ZNF589: variants seen among roughly 807,000 people sequenced by gnomAD.
ZNF589 encodes the protein zinc finger protein 589, also known as KRAB-zinc finger protein SZF1-1.
Under a neutral mutation model 13.6 loss-of-function variants are expected in ZNF589, and 17 were observed. That is an observed-to-expected ratio of 1.25 (90% confidence interval 0.86 to 1.88). The LOEUF is 1.88. Among genes scored for constraint, ZNF589 ranks in the 40% most tolerant of loss-of-function variants. ZNF589 has a pLI of 0.00. For synonymous variants in ZNF589, 148 were observed against 161.6 expected (o/e 0.92, Z 0.64); for missense variants, 407 against 434.0 (o/e 0.94, Z 0.55).
rs548192261 is a variant in ZNF589 at position 48,267,189 on chromosome 3, A to G, written c.224-726A>G. On this transcript the variant is annotated intron_variant, in intron 3 of 3. Coordinates refer to ENST00000354698, the MANE Select transcript of ZNF589 (RefSeq NM_016089.3). ...AAAGAAGGCTGGCTCTTGGTCCTCCAATCCAAGACCTGCTCTTCCCTGTTT... is the reference window on the plus strand; with the variant it reads ...AAAGAAGGCTGGCTCTTGGTCCTCCGATCCAAGACCTGCTCTTCCCTGTTT... Among the ~76,000 whole-genome samples the G allele has an allele frequency of 2.6e-5, 4 of 152,342 alleles. No individual in the cohort carries two copies. In the East Asian group the frequency reaches 7.7e-4, roughly 29 times the overall value.
At chr3:48,246,523 T>G (rs2033767090) in intron 1 of ZNF589, among the ~76,000 whole-genome samples, 1 of 152,198 alleles carries the variant, frequency 6.6e-6, no homozygotes, top group Non-Finnish European at 1.5e-5. Context: ...TCACCCAGGC[T>G]GGTCTTGAAG....
rs897231006 is a variant in ZNF589 at position 48,270,378 on chromosome 3, C to A, written c.*1592C>A. 1.3e-5 allele frequency: 5 copies of A among 376,516 alleles called. No homozygotes were observed. In the East Asian group the frequency reaches 3.6e-4, roughly 27 times the overall value. 23.3% of individuals were successfully genotyped at this position (376,516 alleles called of 1,614,324 possible). On this transcript the variant is annotated 3_prime_UTR_variant, in exon 4 of 4. Transcript: ENST00000354698. ...CTAGCAATGCTGCATCATCAGCCTT[C>A]CAATACCAGGTTTAAGGGTATTTTA...
chr3:48,270,394 G>A lies in ZNF589; in HGVS notation c.*1608G>A, dbSNP rs546912230. ...ATCAGCCTTCCAATACCAGGTTTAA[G>A]GGTATTTTAAACACAGCTCCTCTTA... is the stretch of plus-strand genomic sequence containing the variant. On this transcript the variant is annotated 3_prime_UTR_variant, in exon 4 of 4. Coordinates refer to ENST00000354698, the MANE Select transcript of ZNF589 (RefSeq NM_016089.3). 1.4e-5 allele frequency: 5 copies of A among 367,382 alleles called. No homozygotes were observed. Among genetic ancestry groups the A allele is most frequent in the Non-Finnish European group, 2.1e-5 (4 of 187,738 alleles). 22.8% of individuals were successfully genotyped at this position (367,382 alleles called of 1,614,324 possible). A position where few individuals can be genotyped will look rare whatever the true frequency, so the allele number is the denominator to read the frequency against.
chr3:48,270,413 C>T lies in ZNF589; in HGVS notation c.*1627C>T, dbSNP rs1211637132. ...GTTTAAGGGTATTTTAAACACAGCTCCTCTTAAATCCTCCAATCTCAGTAC... is the reference window on the plus strand; with the variant it reads ...GTTTAAGGGTATTTTAAACACAGCTTCTCTTAAATCCTCCAATCTCAGTAC... On this transcript the variant is annotated 3_prime_UTR_variant, in exon 4 of 4. Transcript: ENST00000354698. 5 of 360,972 alleles carry T rather than the reference C, an allele frequency of 1.4e-5. No homozygotes were observed. The highest frequency in any genetic ancestry group is 2.2e-5 in the Non-Finnish European group (4 of 184,478). The allele number at this position is 360,972 out of a possible 1,614,324, so 22.4% of individuals were successfully genotyped here.
Position 48,268,880 on chromosome 3 carries a change from T to A in ZNF589, c.*94T>A. 1 of 1,508,778 alleles carries A rather than the reference T, an allele frequency of 6.6e-7. No individual in the cohort carries two copies. The highest frequency in any genetic ancestry group is 8.9e-7 in the Non-Finnish European group (1 of 1,119,164). 93.5% of individuals were successfully genotyped at this position (1,508,778 alleles called of 1,614,324 possible). On this transcript the variant is annotated 3_prime_UTR_variant, in exon 4 of 4. Coordinates refer to ENST00000354698, the MANE Select transcript of ZNF589 (RefSeq NM_016089.3). ...TGTTTGCAGAGAGTGTGGGCGAGGCTTTCGTGCTAAATCAACTCTCCTCCT... is the reference window on the plus strand; with the variant it reads ...TGTTTGCAGAGAGTGTGGGCGAGGCATTCGTGCTAAATCAACTCTCCTCCT...
intron 3 of ZNF589, among the ~76,000 whole-genome samples, chr3:48,266,125 G>A (rs2034016556): frequency 6.6e-6 from 1 of 152,122 alleles, no homozygotes; most frequent in South Asian, 2.1e-4. Context: ...CTTTTTAAAG[G>A]TCTATGTTCT....
At chr3:48,241,252 G>A in intron 1 of ZNF589, 38 bp downstream of exon 1, 1 of 1,604,274 alleles carries the variant, frequency 6.2e-7, no homozygotes, top group Non-Finnish European at 8.5e-7. Flanking sequence ...CCCATTCGGT[G>A]CTCCAGCCGC....
intron 3 of ZNF589, 29 bp from the exon 4 acceptor site, chr3:48,267,884 ACT>A: frequency 6.4e-7 from 1 of 1,572,094 alleles, no homozygotes; most frequent in Non-Finnish European, 8.6e-7. Flanking sequence ...CCTTCCTATG[ACT>A]CTTCTGACTG....
chr3:48,246,621 T>TA lies in ZNF589; in HGVS notation c.44-998dup, dbSNP rs2033768917. Reference sequence around the variant, plus strand: ...CACTGAAACCGGCCTGACACATTTTTAAAAAATATTTTCATTAAATCACAG... The same window carrying TA: ...CACTGAAACCGGCCTGACACATTTTTAAAAAAATATTTTCATTAAATCACAG... On this transcript the variant is annotated intron_variant, in intron 1 of 3. Coordinates refer to ENST00000354698, the MANE Select transcript of ZNF589 (RefSeq NM_016089.3). 2.0e-5 allele frequency among the ~76,000 whole-genome samples: 3 copies of TA among 152,250 alleles called. No homozygotes were observed. The South Asian group carries it at 6.2e-4, about 32-fold the overall frequency.
At chr3:48,253,658 C>T (rs1365116249) in intron 2 of ZNF589, among the ~76,000 whole-genome samples, 1 of 152,050 alleles carries the variant, frequency 6.6e-6, no homozygotes, top group Non-Finnish European at 1.5e-5. Flanking sequence ...TGCCACCACG[C>T]TAGGCTAATT....
At chr3:48,261,344 G>T (rs980601708) in intron 3 of ZNF589, among the ~76,000 whole-genome samples, 21 of 152,152 alleles carry the variant, frequency 1.4e-4, no homozygotes, top group Non-Finnish European at 2.9e-4. Flanking sequence ...TGTGGGTCAG[G>T]TGGGAAACTG....
At position 48,268,671 on chromosome 3, in the gene ZNF589, C is replaced by T; in HGVS notation, c.980C>T (p.Thr327Ile). ...PYLIRHQRTH[T>I]REKSFMCTVC... ...CTCATCAGACATCAGAGGACACACA[C>T]AAGGGAGAAATCGTTTATGTGCACA... Residue 327 changes from threonine (T) to isoleucine (I), a missense_variant, in exon 4 of 4, where the codon ACA becomes ATA. Thr to Ile is a moderately conservative substitution (Grantham distance 89, BLOSUM62 -1). Coordinates refer to ENST00000354698, the MANE Select transcript of ZNF589 (RefSeq NM_016089.3). The T allele has an allele frequency of 6.2e-7, 1 of 1,613,620 alleles. No homozygotes were observed. Among genetic ancestry groups the T allele is most frequent in the Middle Eastern group, 1.7e-4 (1 of 6,058 alleles).
chr3:48,267,684 T>C (rs2034034768), intron 3 of ZNF589, among the ~76,000 whole-genome samples: 1 of 152,250 alleles, frequency 6.6e-6, no homozygotes, highest in South Asian at 2.1e-4. Flanking sequence ...CGTGAGCCAC[T>C]GTGCCCAGCC....
At chr3:48,258,352 A>G (rs532267098) in intron 2 of ZNF589, among the ~76,000 whole-genome samples, 5 of 152,172 alleles carry the variant, frequency 3.3e-5, no homozygotes, top group African/African-American at 1.2e-4. Context: ...AATACGATGG[A>G]TTTTTATGTG....
At chr3:48,252,170 G>A (rs1335852988) in intron 2 of ZNF589, among the ~76,000 whole-genome samples, 1 of 151,794 alleles carries the variant, frequency 6.6e-6, no homozygotes, top group African/African-American at 2.4e-5. Context: ...ATCAGGTAGT[G>A]TAAGTCCTTA....
rs768238552 is a variant in ZNF589 at position 48,268,118 on chromosome 3, G to T, written c.427G>T (p.Glu143Ter). 30 of 1,614,084 alleles carry T rather than the reference G, an allele frequency of 1.9e-5. No individual in the cohort carries two copies. The South Asian group carries it at 3.0e-4, about 16-fold the overall frequency. The change falls in exon 4 of 4, where the codon GAA becomes TAA. Residue 143 changes from glutamate to a stop codon, truncating the protein, a stop_gained. Transcript: ENST00000354698. LOFTEE classifies it low-confidence loss of function (END_TRUNC). ...SDKNHRGAEA[E>*]DQRVEGGVRP... is the part of the protein sequence containing the mutation. ...TAAAAATCACAGGGGGGCTGAAGCA[G>T]AAGATCAACGAGTGGAAGGAGGCGT...
At chr3:48,246,466 CAA>C (rs1175904596) in intron 1 of ZNF589, among the ~76,000 whole-genome samples, 1 of 152,026 alleles carries the variant, frequency 6.6e-6, no homozygotes, top group Non-Finnish European at 1.5e-5. Flanking sequence ...GTTTTTAAAA[CAA>C]TATAATAATT....
Position 48,263,402 on chromosome 3 carries a change from G to A in ZNF589, c.223+2463G>A, listed in dbSNP as rs911303815. On this transcript the variant is annotated intron_variant, in intron 3 of 3. Transcript: ENST00000354698. ...TGGGATTACCGGCGTGAGCCGCCAC[G>A]CCCGGCTCCTTTCTTTTTTATGTTT... Among the ~76,000 whole-genome samples the A allele has an allele frequency of 5.3e-5, 8 of 152,018 alleles. No individual in the cohort carries two copies. In the South Asian group the frequency reaches 1.7e-3, roughly 32 times the overall value.
At chr3:48,250,283 A>T (rs2033822765) in intron 2 of ZNF589, among the ~76,000 whole-genome samples, 1 of 150,390 alleles carries the variant, frequency 6.6e-6, no homozygotes, top group South Asian at 2.1e-4. Context: ...ACCTCTGGTA[A>T]CTACTATTTT....
Sources: gnomAD v4.1 joint callset for allele counts (sites outside exome capture counted in the v4.1 genomes callset) on GRCh38, gnomAD v4.1.1 for gene constraint, MANE v1.5 for transcripts, NCBI Gene and HGNC (gene_info 2026-07-23, HGNC 2026-07-21) for gene names.